AMIGO1: variants seen among roughly 807,000 people sequenced by gnomAD.
AMIGO1 encodes adhesion molecule with Ig like domain 1.
For missense variants in AMIGO1, 361 were observed against 612.3 expected (o/e 0.59, Z 4.33); for synonymous variants, 249 against 266.3 (o/e 0.93, Z 0.63).
chr1:109,507,399 TG>T lies in AMIGO1; in HGVS notation c.*31del. On this transcript the variant is annotated 3_prime_UTR_variant, in exon 2 of 2. Coordinates refer to ENST00000369864, the MANE Select transcript of AMIGO1 (RefSeq NM_020703.4). The surrounding 1 kb of genome is among the most constrained non-coding windows in gnomAD (Gnocchi z 4.7). ...TCCTTCAGGGGTGCATTACCTCTCC[TG>T]GGGCAGAATCTCCCCACCAACCCAT... 2 of 1,561,506 alleles carry T rather than the reference TG, an allele frequency of 1.3e-6. No individual in the cohort carries two copies. Among genetic ancestry groups the T allele is most frequent in the Non-Finnish European group, 1.7e-6 (2 of 1,150,994 alleles).
In AMIGO1 at chr1:109,508,891, T is replaced by G. The variant is rs1239064899; in HGVS notation, c.22A>C (p.Arg8=). Residue 8 remains arginine, a synonymous_variant, in exon 2 of 2, where the codon AGA becomes CGA. Transcript: ENST00000369864. The surrounding 1 kb of genome is among the most constrained non-coding windows in gnomAD (Gnocchi z 7.8). ...GACGGCAGCAGGAGCCAGAGGCCTC[T>G]CGGGTCACGGTGGGGGTGCATAGTG... is the stretch of plus-strand genomic sequence containing the variant. The part of the protein sequence containing the change: MHPHRDP[R]GLWLLLPSLS... 2 of 1,583,776 alleles carry G rather than the reference T, an allele frequency of 1.3e-6. No individual in the cohort carries two copies. The highest frequency in any genetic ancestry group is 1.7e-6 in the Non-Finnish European group (2 of 1,164,052).
rs1344454068 is a variant in AMIGO1, at chr1:109,504,359, CTG to C, written c.*3070_*3071del. ...TACAGAGGTAAGAACACACAGAAAA[CTG>C]GATCCATCTGCTTTGCTCTCCCCAG... On this transcript the variant is annotated 3_prime_UTR_variant, in exon 2 of 2. Coordinates refer to ENST00000369864, the MANE Select transcript of AMIGO1 (RefSeq NM_020703.4). 1.3e-5 allele frequency: 2 copies of C among 152,340 alleles called. No individual in the cohort carries two copies. The highest frequency in any genetic ancestry group is 3.4e-3 in the Middle Eastern group (1 of 294). The allele number at this position is 152,340 out of a possible 1,614,324, so 9.4% of individuals were successfully genotyped here.
At position 109,506,615 on chromosome 1, in the gene AMIGO1, C is replaced by T. The variant is rs1557887274; in HGVS notation, c.*816G>A. On this transcript the variant is annotated 3_prime_UTR_variant, in exon 2 of 2. Transcript: ENST00000369864. ...AATCAAATACTAACCAAGGGTTTCA[C>T]CAACCAGGGAATTAGCCTATCTGGA... 6.6e-6 allele frequency: 1 copy of T among 152,250 alleles called. No homozygotes were observed. The highest frequency in any genetic ancestry group is 1.5e-5 in the Non-Finnish European group (1 of 68,058). The allele number at this position is 152,250 out of a possible 1,614,324, so 9.4% of individuals were successfully genotyped here. A position where few individuals can be genotyped will look rare whatever the true frequency, so the allele number is the denominator to read the frequency against.
chr1:109,508,731 C>A lies in AMIGO1; in HGVS notation c.182G>T (p.Ser61Ile). Residue 61 changes from serine to isoleucine, a missense_variant, in exon 2 of 2, where the codon AGT becomes ATT. Coordinates refer to ENST00000369864, the MANE Select transcript of AMIGO1 (RefSeq NM_020703.4). The surrounding 1 kb of genome is among the most constrained non-coding windows in gnomAD (Gnocchi z 7.8). ...ACTGAGGTCCAGTAGTGCTGTGTAA[C>A]TGGGCAAGGAATGGGGCACATTGGG... ...QLPNVPHSLP[S>I]YTALLDLSHN... 1 of 1,613,976 alleles carries A rather than the reference C, an allele frequency of 6.2e-7. No homozygotes were observed. Among genetic ancestry groups the A allele is most frequent in the Non-Finnish European group, 8.5e-7 (1 of 1,179,938 alleles).
rs1657976617 is a variant in AMIGO1, at chr1:109,504,824, A to G, written c.*2607T>C. 1 of 152,172 alleles carries G rather than the reference A, an allele frequency of 6.6e-6. No homozygotes were observed. The highest frequency in any genetic ancestry group is 6.5e-5 in the Admixed American group (1 of 15,276). The allele number at this position is 152,172 out of a possible 1,614,324, so 9.4% of individuals were successfully genotyped here. A position where few individuals can be genotyped will look rare whatever the true frequency, so the allele number is the denominator to read the frequency against. Reference sequence around the variant, plus strand: ...TTTCTCATTCCCTAAACTGGGTAGGAATTATGAAGAAAACGGCCCTCCCAG... The same window carrying G: ...TTTCTCATTCCCTAAACTGGGTAGGGATTATGAAGAAAACGGCCCTCCCAG... On this transcript the variant is annotated 3_prime_UTR_variant, in exon 2 of 2. Coordinates refer to ENST00000369864, the MANE Select transcript of AMIGO1 (RefSeq NM_020703.4).
In AMIGO1 at chr1:109,507,419, A is replaced by C. The variant is rs201290784; in HGVS notation, c.*12T>G. 6.3e-6 allele frequency: 10 copies of C among 1,578,470 alleles called. No individual in the cohort carries two copies. The South Asian group carries it at 1.1e-4, about 17-fold the overall frequency. On this transcript the variant is annotated 3_prime_UTR_variant, in exon 2 of 2. Transcript: ENST00000369864. The surrounding 1 kb of genome is among the most constrained non-coding windows in gnomAD (Gnocchi z 4.7). ...TCTCCTGGGGCAGAATCTCCCCACC[A>C]ACCCATCCTGCTCACACCACAATGG...
chr1:109,507,101 T>C lies in AMIGO1; in HGVS notation c.*330A>G. The C allele has an allele frequency of 3.7e-6, 1 of 268,860 alleles. No homozygotes were observed. The highest frequency in any genetic ancestry group is 7.1e-6 in the Non-Finnish European group (1 of 141,162). 16.7% of individuals were successfully genotyped at this position (268,860 alleles called of 1,614,324 possible). ...TTCTCTTAAGGAGCTAGGGATGACC[T>C]CATGAAAGTTTAGGGAATCTGTTCT... On this transcript the variant is annotated 3_prime_UTR_variant, in exon 2 of 2. Coordinates refer to ENST00000369864, the MANE Select transcript of AMIGO1 (RefSeq NM_020703.4). This position sits in a 1 kb window ranked among gnomAD's most constrained non-coding sequence, Gnocchi z 4.7.
chr1:109,508,663 G>T lies in AMIGO1; in HGVS notation c.250C>A (p.Arg84Ser). The change falls in exon 2 of 2, where the codon CGC becomes AGC. Residue 84 changes from arginine to serine, a missense_variant. Coordinates refer to ENST00000369864, the MANE Select transcript of AMIGO1 (RefSeq NM_020703.4). This position sits in a 1 kb window ranked among gnomAD's most constrained non-coding sequence, Gnocchi z 7.8. ...SRLRAEWTPTRLTQLHSLLLS... is the reference protein window; with the variant it reads ...SRLRAEWTPTSLTQLHSLLLS... ...AGCAGGGAGTGCAGTTGGGTCAGGC[G>T]CGTGGGGGTCCACTCGGCCCGCAGG... is the stretch of plus-strand genomic sequence containing the variant. 1 of 1,614,172 alleles carries T rather than the reference G, an allele frequency of 6.2e-7. No individual in the cohort carries two copies. Among genetic ancestry groups the T allele is most frequent in the Non-Finnish European group, 8.5e-7 (1 of 1,180,028 alleles).
chr1:109,507,110 T>C lies in AMIGO1; in HGVS notation c.*321A>G, dbSNP rs1326504867. 3.6e-6 allele frequency: 1 copy of C among 280,978 alleles called. No homozygotes were observed. Among genetic ancestry groups the C allele is most frequent in the Admixed American group, 4.7e-5 (1 of 21,060 alleles). 17.4% of individuals were successfully genotyped at this position (280,978 alleles called of 1,614,324 possible). A position where few individuals can be genotyped will look rare whatever the true frequency, so the allele number is the denominator to read the frequency against. On this transcript the variant is annotated 3_prime_UTR_variant, in exon 2 of 2. Coordinates refer to ENST00000369864, the MANE Select transcript of AMIGO1 (RefSeq NM_020703.4). The surrounding 1 kb of genome is among the most constrained non-coding windows in gnomAD (Gnocchi z 4.7). ...GGAGCTAGGGATGACCTCATGAAAG[T>C]TTAGGGAATCTGTTCTTCCCCTCAC...
Position 109,507,418 on chromosome 1 carries a change from C to G in AMIGO1, c.*13G>C. On this transcript the variant is annotated 3_prime_UTR_variant, in exon 2 of 2. Transcript: ENST00000369864. The surrounding 1 kb of genome is among the most constrained non-coding windows in gnomAD (Gnocchi z 4.7). The stretch of plus-strand genomic sequence containing the variant: ...CTCTCCTGGGGCAGAATCTCCCCAC[C>G]AACCCATCCTGCTCACACCACAATG... 1 of 1,575,244 alleles carries G rather than the reference C, an allele frequency of 6.3e-7. No homozygotes were observed. Among genetic ancestry groups the G allele is most frequent in the Non-Finnish European group, 8.6e-7 (1 of 1,157,400 alleles).
Position 109,504,816 on chromosome 1 carries a change from T to C in AMIGO1, c.*2615A>G, listed in dbSNP as rs1158102606. The C allele has an allele frequency of 6.6e-6, 1 of 152,068 alleles. No homozygotes were observed. The highest frequency in any genetic ancestry group is 1.5e-5 in the Non-Finnish European group (1 of 68,016). 9.4% of individuals were successfully genotyped at this position (152,068 alleles called of 1,614,324 possible). A position where few individuals can be genotyped will look rare whatever the true frequency, so the allele number is the denominator to read the frequency against. On this transcript the variant is annotated 3_prime_UTR_variant, in exon 2 of 2. Coordinates refer to ENST00000369864, the MANE Select transcript of AMIGO1 (RefSeq NM_020703.4). ...CAGGGCCTTTTCTCATTCCCTAAAC[T>C]GGGTAGGAATTATGAAGAAAACGGC...
Position 109,505,969 on chromosome 1 carries a change from A to G in AMIGO1, c.*1462T>C, listed in dbSNP as rs1658013410. 1 of 152,212 alleles carries G rather than the reference A, an allele frequency of 6.6e-6. No homozygotes were observed. Among genetic ancestry groups the G allele is most frequent in the Non-Finnish European group, 1.5e-5 (1 of 68,056 alleles). The allele number at this position is 152,212 out of a possible 1,614,324, so 9.4% of individuals were successfully genotyped here. A position where few individuals can be genotyped will look rare whatever the true frequency, so the allele number is the denominator to read the frequency against. The stretch of plus-strand genomic sequence containing the variant: ...TACTCAAAGTATTCTGCAACCTTGG[A>G]TGGAATGGAATGTTGAGCTCATTCT... On this transcript the variant is annotated 3_prime_UTR_variant, in exon 2 of 2. Transcript: ENST00000369864.
In AMIGO1 at chr1:109,507,995, A is replaced by G; in HGVS notation, c.918T>C (p.Asn306=). Reference sequence around the variant, plus strand: ...TGGTCACCTCATCTAGCACCCGTTCATTACTTGGTGTCACCCACACCTTGG... The same window carrying G: ...TGGTCACCTCATCTAGCACCCGTTCGTTACTTGGTGTCACCCACACCTTGG... ...GMTKVWVTPS[N]ERVLDEVTNG... Residue 306 remains asparagine, a synonymous_variant, in exon 2 of 2, where the codon AAT becomes AAC. Coordinates refer to ENST00000369864, the MANE Select transcript of AMIGO1 (RefSeq NM_020703.4). This position sits in a 1 kb window ranked among gnomAD's most constrained non-coding sequence, Gnocchi z 4.7. 6.2e-7 allele frequency: 1 copy of G among 1,614,082 alleles called. No individual in the cohort carries two copies.
Position 109,509,544 on chromosome 1 carries a change from C to T in AMIGO1, c.-212G>A, listed in dbSNP as rs556952652. On this transcript the variant is annotated 5_prime_UTR_variant, in exon 1 of 2. It adds an upstream start codon to the 5' untranslated region. Coordinates refer to ENST00000369864, the MANE Select transcript of AMIGO1 (RefSeq NM_020703.4). Reference sequence around the variant, plus strand: ...CTTACGCAGGGGCCCGCGCCCGGCACCGTCGCCTCCCGGGGACTTGCGGGG... The same window carrying T: ...CTTACGCAGGGGCCCGCGCCCGGCATCGTCGCCTCCCGGGGACTTGCGGGG... 6.6e-6 allele frequency: 1 copy of T among 152,102 alleles called. No individual in the cohort carries two copies. The highest frequency in any genetic ancestry group is 1.5e-5 in the Non-Finnish European group (1 of 67,952). The allele number at this position is 152,102 out of a possible 1,614,324, so 9.4% of individuals were successfully genotyped here. A position where few individuals can be genotyped will look rare whatever the true frequency, so the allele number is the denominator to read the frequency against.
At position 109,508,781 on chromosome 1, in the gene AMIGO1, G is replaced by A; in HGVS notation, c.132C>T (p.Ile44=). The change falls in exon 2 of 2, where the codon ATC becomes ATT. Residue 44 remains isoleucine, a synonymous_variant. Coordinates refer to ENST00000369864, the MANE Select transcript of AMIGO1 (RefSeq NM_020703.4). This position sits in a 1 kb window ranked among gnomAD's most constrained non-coding sequence, Gnocchi z 7.8. ...CPAACLCASN[I]LSCSKQQLPN... is the part of the protein sequence containing the mutation. ...GCAGCTGCTGCTTGGAGCAGCTGAGGATGTTGCTGGCGCACAAGCAGGCGG... is the reference window on the plus strand; with the variant it reads ...GCAGCTGCTGCTTGGAGCAGCTGAGAATGTTGCTGGCGCACAAGCAGGCGG... The A allele has an allele frequency of 1.2e-6, 2 of 1,614,084 alleles. No individual in the cohort carries two copies. The highest frequency in any genetic ancestry group is 1.7e-6 in the Non-Finnish European group (2 of 1,180,004).
Position 109,507,389 on chromosome 1 carries a change from T to C in AMIGO1, c.*42A>G. ...TCCCCTCATATCCTTCAGGGGTGCA[T>C]TACCTCTCCTGGGGCAGAATCTCCC... On this transcript the variant is annotated 3_prime_UTR_variant, in exon 2 of 2. Coordinates refer to ENST00000369864, the MANE Select transcript of AMIGO1 (RefSeq NM_020703.4). This position sits in a 1 kb window ranked among gnomAD's most constrained non-coding sequence, Gnocchi z 4.7. 6.4e-7 allele frequency: 1 copy of C among 1,553,764 alleles called. No individual in the cohort carries two copies. The highest frequency in any genetic ancestry group is 2.3e-5 in the East Asian group (1 of 44,344).
In AMIGO1 at chr1:109,504,674, A is replaced by G. The variant is rs1657972760; in HGVS notation, c.*2757T>C. The stretch of plus-strand genomic sequence containing the variant: ...TAAAAAGCTACCTTTGGGTTCTATC[A>G]CCTGAAACCACGGGAAGAAACAAAT... On this transcript the variant is annotated 3_prime_UTR_variant, in exon 2 of 2. Transcript: ENST00000369864. 1 of 152,110 alleles carries G rather than the reference A, an allele frequency of 6.6e-6. No individual in the cohort carries two copies. The highest frequency in any genetic ancestry group is 2.4e-5 in the African/African-American group (1 of 41,406). The allele number at this position is 152,110 out of a possible 1,614,324, so 9.4% of individuals were successfully genotyped here.
In AMIGO1 at chr1:109,508,782, A is replaced by C. The variant is rs1464868408; in HGVS notation, c.131T>G (p.Ile44Ser). ...CPAACLCASN[I>S]LSCSKQQLPN... Reference sequence around the variant, plus strand: ...CAGCTGCTGCTTGGAGCAGCTGAGGATGTTGCTGGCGCACAAGCAGGCGGC... The same window carrying C: ...CAGCTGCTGCTTGGAGCAGCTGAGGCTGTTGCTGGCGCACAAGCAGGCGGC... Residue 44 changes from isoleucine (I) to serine (S), a missense_variant, in exon 2 of 2, where the codon ATC (isoleucine) becomes AGC (serine). Coordinates refer to ENST00000369864, the MANE Select transcript of AMIGO1 (RefSeq NM_020703.4). The surrounding 1 kb of genome is among the most constrained non-coding windows in gnomAD (Gnocchi z 7.8). 6.2e-7 allele frequency: 1 copy of C among 1,613,850 alleles called. No homozygotes were observed. Among genetic ancestry groups the C allele is most frequent in the Non-Finnish European group, 8.5e-7 (1 of 1,179,994 alleles).
At position 109,507,306 on chromosome 1, in the gene AMIGO1, C is replaced by T; in HGVS notation, c.*125G>A. ...GTCTTGCTCTCTGTTGTACCTGGGA[C>T]CAATTCCCTTGAGGTCAGGAGGAAT... On this transcript the variant is annotated 3_prime_UTR_variant, in exon 2 of 2. Coordinates refer to ENST00000369864, the MANE Select transcript of AMIGO1 (RefSeq NM_020703.4). This position sits in a 1 kb window ranked among gnomAD's most constrained non-coding sequence, Gnocchi z 4.7. The T allele has an allele frequency of 7.4e-7, 1 of 1,356,920 alleles. No individual in the cohort carries two copies. Among genetic ancestry groups the T allele is most frequent in the Non-Finnish European group, 1.0e-6 (1 of 998,164 alleles). The allele number at this position is 1,356,920 out of a possible 1,614,324, so 84.1% of individuals were successfully genotyped here. A position where few individuals can be genotyped will look rare whatever the true frequency, so the allele number is the denominator to read the frequency against.
Sources: allele counts gnomAD v4.1 joint callset, GRCh38; gene constraint gnomAD v4.1.1; non-coding constraint Gnocchi (gnomAD v3.1); transcripts MANE v1.5; gene names NCBI Gene and HGNC (gene_info 2026-07-23, HGNC 2026-07-21).